The following DNER variants were observed in gnomAD, a reference collection of about 807,000 sequenced individuals.
DNER encodes the protein delta and Notch-like epidermal growth factor-related receptor.
DNER carries 33 observed loss-of-function variants against 78.2 expected under a neutral mutation model. The ratio of observed to expected loss-of-function variants is 0.42; its 90% CI spans 0.32 to 0.56. DNER has a LOEUF of 0.56. DNER is among the 20% of genes least tolerant of loss of function. DNER has a pLI of 0.11. For synonymous variants in DNER, 417 were observed against 384.8 expected, an observed-to-expected ratio of 1.08 and a Z score of -0.98; for missense variants, 918 against 975.3, an observed-to-expected ratio of 0.94 and a Z score of 0.78.
At chr2:229,620,122 T>C (rs537601362) in intron 1 of DNER, among the ~76,000 whole-genome samples, 1 of 152,312 alleles carries the variant, frequency 6.6e-6, no homozygotes, top group East Asian at 1.9e-4. Context: ...GCGACTCGGA[T>C]GGGCACCCTC....
intron 7 of DNER, among the ~76,000 whole-genome samples, chr2:229,461,572 A>G (rs1694702326): frequency 6.6e-6 from 1 of 152,058 alleles, no homozygotes; most frequent in African/African-American, 2.4e-5. Context: ...AACAAATACA[A>G]TACTGCTACG....
intron 5 of DNER, among the ~76,000 whole-genome samples, chr2:229,529,207 T>TA (rs140661671): frequency 0.08 from 12,173 of 152,132 alleles, 635 homozygotes; most frequent in East Asian, 0.14. Context: ...TTTTTTTTTT[T>TA]AATCCCCAAA....
chr2:229,417,054 T>C (rs1415213709), intron 9 of DNER, among the ~76,000 whole-genome samples: 1 of 152,180 alleles, frequency 6.6e-6, no homozygotes, highest in Non-Finnish European at 1.5e-5. Flanking sequence ...TCCTGGTAGA[T>C]GTTAGTGGAG....
chr2:229,487,882 C>A (rs1381233380), intron 6 of DNER, among the ~76,000 whole-genome samples: 1 of 152,212 alleles, frequency 6.6e-6, no homozygotes, highest in Non-Finnish European at 1.5e-5. Flanking sequence ...TGGCAGTGCC[C>A]AGGCTAGCCT....
At chr2:229,413,457 G>A (rs144259892) in intron 9 of DNER, among the ~76,000 whole-genome samples, 67 of 150,676 alleles carry the variant, frequency 4.4e-4, no homozygotes, top group African/African-American at 1.6e-3. Flanking sequence ...TGAGTAGCTG[G>A]GACTACAGGC....
chr2:229,427,193 C>G (rs1693897196), intron 8 of DNER, among the ~76,000 whole-genome samples: 1 of 152,222 alleles, frequency 6.6e-6, no homozygotes, highest in Non-Finnish European at 1.5e-5. Flanking sequence ...ATCTCCCTCC[C>G]TGGGCTTCCA....
chr2:229,658,870 T>A (rs1698957750), intron 1 of DNER, among the ~76,000 whole-genome samples: 1 of 152,162 alleles, frequency 6.6e-6, no homozygotes, highest in African/African-American at 2.4e-5. Context: ...ACAACACTCA[T>A]CATATAAAAA....
chr2:229,410,515 T>G (rs963567248), intron 9 of DNER, among the ~76,000 whole-genome samples: 1 of 152,182 alleles, frequency 6.6e-6, no homozygotes, highest in African/African-American at 2.4e-5. Context: ...GAAAACCAGG[T>G]CCACACTTCA....
chr2:229,586,927 G>C (rs925303560), intron 3 of DNER: 3 of 985,366 alleles, frequency 3.0e-6, no homozygotes, highest in Non-Finnish European at 3.6e-6. Context: ...ATGAGGAAAT[G>C]AAAGCGTAAG....
chr2:229,678,971 C>T (rs1308659402), intron 1 of DNER, among the ~76,000 whole-genome samples: 1 of 152,170 alleles, frequency 6.6e-6, no homozygotes, highest in Admixed American at 6.5e-5. Flanking sequence ...TTCCCCAATG[C>T]TCCCCACAGA....
intron 5 of DNER, among the ~76,000 whole-genome samples, chr2:229,517,149 A>T (rs1317347402): frequency 6.6e-6 from 1 of 151,766 alleles, no homozygotes; most frequent in African/African-American, 2.4e-5. Context: ...AATAAAAGGA[A>T]ACTTCTAGGT....
intron 11 of DNER, among the ~76,000 whole-genome samples, chr2:229,371,449 T>C (rs532896189): frequency 1.3e-5 from 2 of 152,374 alleles, no homozygotes; most frequent in South Asian, 4.1e-4. Context: ...GGAATGCATG[T>C]GCACGAGCTG....
intron 11 of DNER, among the ~76,000 whole-genome samples, chr2:229,385,226 C>T (rs117179349): frequency 2.5e-3 from 375 of 152,066 alleles, no homozygotes; most frequent in East Asian, 0.017. Context: ...ATAAAAACCA[C>T]GTGATAATCT....
At position 229,357,726 on chromosome 2, in the gene DNER, A is replaced by G. The variant is rs1692120522; in HGVS notation, c.*814T>C. ...ATACAGCCACAAAAACATCCTGGAG[A>G]TAAATAAAGCTGCACTATGAGAAAT... On this transcript the variant is annotated 3_prime_UTR_variant, in exon 13 of 13. Transcript: ENST00000341772. The G allele has an allele frequency of 6.6e-6, 1 of 152,250 alleles. No individual in the cohort carries two copies. The highest frequency in any genetic ancestry group is 6.5e-5 in the Admixed American group (1 of 15,284). The allele number at this position is 152,250 out of a possible 1,614,324, so 9.4% of individuals were successfully genotyped here.
At chr2:229,513,875 T>C (rs543534107) in intron 5 of DNER, among the ~76,000 whole-genome samples, 7 of 151,908 alleles carry the variant, frequency 4.6e-5, no homozygotes, top group Non-Finnish European at 8.8e-5. Context: ...CCAGCCATTA[T>C]CCCCTCACCC....
chr2:229,443,038 A>G (rs80256137), intron 8 of DNER, among the ~76,000 whole-genome samples: 4,034 of 152,282 alleles, frequency 0.026, 79 homozygotes, highest in Non-Finnish European at 0.041. Flanking sequence ...CAACTGTGCC[A>G]TGTCTAGTCT....
At chr2:229,369,237 C>T (rs1301396044) in intron 11 of DNER, among the ~76,000 whole-genome samples, 1 of 149,962 alleles carries the variant, frequency 6.7e-6, no homozygotes, top group African/African-American at 2.4e-5. Flanking sequence ...TTTTAACTTC[C>T]TAAAAAGTTT....
At chr2:229,409,728 A>T (rs1298165689) in intron 9 of DNER, among the ~76,000 whole-genome samples, 1 of 152,078 alleles carries the variant, frequency 6.6e-6, no homozygotes, top group Non-Finnish European at 1.5e-5. Context: ...GCATCTATTG[A>T]GAGTTCTCTG....
intron 5 of DNER, among the ~76,000 whole-genome samples, chr2:229,542,069 A>G (rs1696526302): frequency 6.7e-6 from 1 of 149,422 alleles, no homozygotes; most frequent in African/African-American, 2.5e-5. Context: ...CTAGAGAGAC[A>G]TAGTCCATGG....
Sources: gnomAD v4.1 joint callset for allele counts (sites outside exome capture counted in the v4.1 genomes callset) on GRCh38, gnomAD v4.1.1 for gene constraint, MANE v1.5 for transcripts, NCBI Gene and HGNC (gene_info 2026-07-23, HGNC 2026-07-21) for gene names.